Variants in PCDH15 observed in about 807,000 individuals in gnomAD.
The protein encoded by PCDH15 is protocadherin-15.
A neutral mutation model predicts 178.5 loss-of-function variants in PCDH15; 129 were observed. The observed-to-expected ratio is 0.72, with a 90% CI of 0.63 to 0.84. PCDH15 has a LOEUF of 0.84. PCDH15 is among the 40% of genes least tolerant of loss of function. The pLI, the probability that PCDH15 is intolerant of heterozygous loss-of-function variation, is 0.00. For synonymous variants in PCDH15, 800 were observed against 732.0 expected (o/e 1.09, Z -1.50); for missense variants, 2,230 against 2,099.9 (o/e 1.06, Z -1.21).
intron 26 of PCDH15, among the ~76,000 whole-genome samples, chr10:53,888,300 A>ACATATATATACG (rs749710192): frequency 4.9e-5 from 4 of 82,016 alleles, no homozygotes; most frequent in African/African-American, 2.0e-4. Flanking sequence ...ACATATATAT[A>ACATATATATACG]TATATATATG....
At chr10:55,147,675 A>G (rs1338997790) in intron 2 of PCDH15, among the ~76,000 whole-genome samples, 1 of 128,230 alleles carries the variant, frequency 7.8e-6, no homozygotes, top group East Asian at 2.2e-4. Flanking sequence ...TTTTATTATT[A>G]TTATACTTTA....
At chr10:54,208,786 A>G (rs1405633392) in intron 10 of PCDH15, among the ~76,000 whole-genome samples, 1 of 151,986 alleles carries the variant, frequency 6.6e-6, no homozygotes, top group African/African-American at 2.4e-5. Flanking sequence ...TAAGAATAAG[A>G]GTAGGAATAT....
intron 2 of PCDH15, among the ~76,000 whole-genome samples, chr10:55,585,688 G>A (rs1013600488): frequency 6.6e-6 from 1 of 151,776 alleles, no homozygotes; most frequent in Non-Finnish European, 1.5e-5. Context: ...GTAGGTATGT[G>A]TATATATATG....
chr10:53,975,908 A>C (rs1348457499), intron 21 of PCDH15, among the ~76,000 whole-genome samples: 1 of 152,138 alleles, frequency 6.6e-6, no homozygotes, highest in African/African-American at 2.4e-5. Context: ...TTTATGTCTT[A>C]AATATAAGTA....
chr10:54,340,518 G>C (rs758187693), intron 6 of PCDH15, among the ~76,000 whole-genome samples: 13 of 152,112 alleles, frequency 8.5e-5, no homozygotes, highest in Non-Finnish European at 1.9e-4. Flanking sequence ...GCAGCAACTC[G>C]GTCCTAACCT....
At chr10:54,642,266 C>T (rs981912809) in intron 2 of PCDH15, among the ~76,000 whole-genome samples, 5 of 152,082 alleles carry the variant, frequency 3.3e-5, no homozygotes, top group Non-Finnish European at 7.4e-5. Context: ...GCTAGCACCT[C>T]GAACTTAGAT....
intron 3 of PCDH15, among the ~76,000 whole-genome samples, chr10:54,493,247 T>TG (rs2079775258): frequency 6.6e-6 from 1 of 151,954 alleles, no homozygotes; most frequent in Non-Finnish European, 1.5e-5. Flanking sequence ...AGGCATCCAC[T>TG]GGGGGTCTTG....
At chr10:53,823,780 CT>C (rs200691010) in intron 32 of PCDH15, 13,605 of 457,134 alleles carry the variant, frequency 0.03, 243 homozygotes, top group Non-Finnish European at 0.043. Context: ...AGATTCTTAG[CT>C]GTATCTGATT....
intron 1 of PCDH15, among the ~76,000 whole-genome samples, chr10:54,714,281 C>T (rs1423692735): frequency 6.6e-6 from 1 of 152,026 alleles, no homozygotes; most frequent in African/African-American, 2.4e-5. Context: ...CTCCACCAGT[C>T]GCAACTAAAA....
intron 1 of PCDH15, among the ~76,000 whole-genome samples, chr10:55,233,126 A>C (rs887749111): frequency 6.6e-6 from 1 of 152,102 alleles, no homozygotes; most frequent in Admixed American, 6.5e-5. Flanking sequence ...TATAGAGATA[A>C]AAATATGGTA....
chr10:54,837,277 T>C (rs976677495), intron 3 of PCDH15, among the ~76,000 whole-genome samples: 4 of 152,074 alleles, frequency 2.6e-5, no homozygotes, highest in African/African-American at 9.7e-5. Flanking sequence ...ATTGTTTTTG[T>C]ATAAAGTAAA....
At chr10:54,418,826 T>G (rs2135771475) in intron 3 of PCDH15, among the ~76,000 whole-genome samples, 1 of 152,036 alleles carries the variant, frequency 6.6e-6, no homozygotes, top group East Asian at 1.9e-4. Flanking sequence ...ATATAAAAAT[T>G]TATTCTAAAC....
intron 3 of PCDH15, among the ~76,000 whole-genome samples, chr10:54,512,579 G>T (rs2137806931): frequency 6.6e-6 from 1 of 152,080 alleles, no homozygotes; most frequent in Admixed American, 6.6e-5. Flanking sequence ...AATGTCAAAT[G>T]GCAAATGGGT....
rs116530776 is a variant in PCDH15, at chr10:55,158,994, A to G, written c.-80+7582T>C. ...AAATATCACCTAATTTGGGCCTTGCAACAAACCTACGCAGTGTGAAGGGCA... is the reference window on the plus strand; with the variant it reads ...AAATATCACCTAATTTGGGCCTTGCGACAAACCTACGCAGTGTGAAGGGCA... On this transcript the variant is annotated intron_variant, in intron 2 of 5. Transcript: ENST00000458638. Among the ~76,000 whole-genome samples the G allele has an allele frequency of 7.6e-3, 1,149 of 152,086 alleles. 15 individuals are homozygous for G. The highest frequency in any genetic ancestry group is 0.024 in the African/African-American group (1,004 of 41,510).
intron 2 of PCDH15, among the ~76,000 whole-genome samples, chr10:55,508,357 T>C (rs1182687391): frequency 6.6e-6 from 1 of 151,748 alleles, no homozygotes; most frequent in African/African-American, 2.4e-5. Flanking sequence ...AAGAATCCTA[T>C]GTGGCTATCA....
At chr10:54,545,195 A>G (rs141976251) in intron 2 of PCDH15, among the ~76,000 whole-genome samples, 11 of 152,338 alleles carry the variant, frequency 7.2e-5, no homozygotes, top group African/African-American at 2.6e-4. Flanking sequence ...AAGAATTCAC[A>G]AAGCATAGCT....
At chr10:54,804,001 A>T (rs539561819), upstream of PCDH15, among the ~76,000 whole-genome samples, 1 of 152,320 alleles carries the variant, frequency 6.6e-6, no homozygotes, top group African/African-American at 2.4e-5. Flanking sequence ...TATGAAACAT[A>T]TTAAAAAGTG....
At chr10:54,757,285 T>A (rs1947277935) in intron 1 of PCDH15, among the ~76,000 whole-genome samples, 1 of 29,556 alleles carries the variant, frequency 3.4e-5, no homozygotes, top group African/African-American at 2.0e-4. Flanking sequence ...CCTTTTTTTT[T>A]TTTTTTTTTT....
At chr10:54,529,463 A>C (rs1375055825) in intron 2 of PCDH15, among the ~76,000 whole-genome samples, 1 of 152,114 alleles carries the variant, frequency 6.6e-6, no homozygotes, top group South Asian at 2.1e-4. Context: ...AAATAATAGC[A>C]TTCCTCTGAA....
Sources: gnomAD v4.1 joint callset for allele counts (sites outside exome capture counted in the v4.1 genomes callset) on GRCh38, gnomAD v4.1.1 for gene constraint, MANE v1.5 for transcripts, NCBI Gene and HGNC (gene_info 2026-07-23, HGNC 2026-07-21) for gene names.